The following PCDHA11 variants were observed in gnomAD, a reference collection of about 807,000 sequenced individuals.
The protein encoded by PCDHA11 is protocadherin alpha-11.
Under a neutral mutation model 70.3 loss-of-function variants are expected in PCDHA11, and 61 were observed. That is an observed-to-expected ratio of 0.87 (90% CI 0.71 to 1.07). The LOEUF is 1.07. PCDHA11 is among the 50% of genes least tolerant of loss of function. The pLI is 0.00. For missense variants in PCDHA11, 1,324 were observed against 1,237.5 expected, an observed-to-expected ratio of 1.07 and a Z score of -1.05; for synonymous variants, 633 against 555.1, an observed-to-expected ratio of 1.14 and a Z score of -1.97.
chr5:140,895,281 A>C (rs2064944456), intron 1 of PCDHA11, among the ~76,000 whole-genome samples: 1 of 152,118 alleles, frequency 6.6e-6, no homozygotes, highest in South Asian at 2.1e-4. Context: ...GGATAATTGA[A>C]TTAGGACCTT....
At chr5:140,873,755 T>C (rs1273886734) in intron 1 of PCDHA11, among the ~76,000 whole-genome samples, 1 of 152,098 alleles carries the variant, frequency 6.6e-6, no homozygotes, top group African/African-American at 2.4e-5. Flanking sequence ...CCACCTCCCA[T>C]GTTCAAGCAA....
At chr5:140,958,810 G>T (rs2095443726) in intron 1 of PCDHA11, among the ~76,000 whole-genome samples, 1 of 151,988 alleles carries the variant, frequency 6.6e-6, no homozygotes, top group Non-Finnish European at 1.5e-5. Context: ...ACACCATTCT[G>T]TTTTAATTTT....
chr5:140,913,572 T>C (rs1000646852), intron 1 of PCDHA11, among the ~76,000 whole-genome samples: 1 of 152,146 alleles, frequency 6.6e-6, no homozygotes, highest in Non-Finnish European at 1.5e-5. Context: ...TTTCATCATT[T>C]CAAATATATT....
At chr5:140,956,754 C>T (rs1470553559) in intron 1 of PCDHA11, among the ~76,000 whole-genome samples, 5 of 152,140 alleles carry the variant, frequency 3.3e-5, no homozygotes, top group African/African-American at 1.2e-4. Flanking sequence ...TGATAGAATT[C>T]AGCTGTAAAT....
At chr5:140,915,766 T>G (rs2077298451) in intron 1 of PCDHA11, among the ~76,000 whole-genome samples, 1 of 151,974 alleles carries the variant, frequency 6.6e-6, no homozygotes, top group African/African-American at 2.4e-5. Context: ...CTGGGTCTTG[T>G]CCAAGGCCTG....
intron 3 of PCDHA11, among the ~76,000 whole-genome samples, chr5:140,985,428 T>C (rs782337868): frequency 2.0e-5 from 3 of 152,192 alleles, no homozygotes; most frequent in Non-Finnish European, 4.4e-5. Context: ...GGAGGATTTA[T>C]TAGTTGCTGC....
intron 1 of PCDHA11, among the ~76,000 whole-genome samples, chr5:140,971,500 T>C (rs2096483313): frequency 1.3e-5 from 2 of 152,136 alleles, no homozygotes; most frequent in Admixed American, 1.3e-4. Context: ...TGTGGCAAGA[T>C]AGGAGCAAAA....
intron 3 of PCDHA11, among the ~76,000 whole-genome samples, chr5:140,994,044 G>C (rs782758789): frequency 9.9e-5 from 15 of 152,240 alleles, no homozygotes; most frequent in Middle Eastern, 3.4e-3. Flanking sequence ...ATATAACACA[G>C]TCCTGCCCTT....
intron 1 of PCDHA11, among the ~76,000 whole-genome samples, chr5:140,935,913 GACAGATTC>G (rs1178474379): frequency 8.0e-6 from 1 of 125,106 alleles, no homozygotes; most frequent in Admixed American, 8.3e-5. Context: ...TTTTTTTTGA[GACAGATTC>G]TCATTCTGTT....
chr5:140,883,520 G>A (rs1554178526), intron 1 of PCDHA11: 1 of 1,614,222 alleles, frequency 6.2e-7, no homozygotes, highest in Non-Finnish European at 8.5e-7. Context: ...CCGCGAGAGC[G>A]TATCAGCCTA....
intron 3 of PCDHA11, among the ~76,000 whole-genome samples, chr5:141,000,419 ATATTTTT>A (rs1397100244): frequency 3.9e-4 from 24 of 60,984 alleles, no homozygotes; most frequent in African/African-American, 1.8e-3. Flanking sequence ...ATATATATAT[ATATTTTT>A]TTTTTTTTTT....
At chr5:140,919,674 G>C (rs1554199207) in intron 1 of PCDHA11, among the ~76,000 whole-genome samples, 1 of 151,886 alleles carries the variant, frequency 6.6e-6, no homozygotes, top group Non-Finnish European at 1.5e-5. Context: ...TTAGCTTATT[G>C]GTATCTGCTT....
In PCDHA11 at chr5:141,010,806, C is replaced by T. The variant is rs1404036886; in HGVS notation, c.*869C>T. ...GCAAAAGCAAAAGAAAACCCCGACA[C>T]CTCACCTTTCGCTGTTTGTTGTTTC... On this transcript the variant is annotated 3_prime_UTR_variant, in exon 4 of 4. Transcript: ENST00000398640. 2 of 153,736 alleles carry T rather than the reference C, an allele frequency of 1.3e-5. No individual in the cohort carries two copies. Among genetic ancestry groups the T allele is most frequent in the Non-Finnish European group, 1.5e-5 (1 of 68,048 alleles). 9.5% of individuals were successfully genotyped at this position (153,736 alleles called of 1,614,324 possible).
In PCDHA11 at chr5:140,869,613, C is replaced by T. The variant is rs369176341; in HGVS notation, c.510C>T (p.Tyr170=). The change falls in exon 1 of 4, where the codon TAC becomes TAT. Residue 170 remains tyrosine, a synonymous_variant. Coordinates refer to ENST00000398640, the MANE Select transcript of PCDHA11 (RefSeq NM_018902.5). ...TTGAAGAGAATGCTCTATTGACCTA[C>T]AGGCTAAGTAAAAATGAGTATTTTT... The part of the protein sequence containing the change: ...ADIEENALLT[Y]RLSKNEYFSL... 402 of 1,613,826 alleles carry T rather than the reference C, an allele frequency of 2.5e-4. No individual in the cohort carries two copies. Among genetic ancestry groups the T allele is most frequent in the Non-Finnish European group, 3.3e-4 (395 of 1,179,934 alleles).
At chr5:140,876,140 C>G in intron 1 of PCDHA11, 1 of 1,613,944 alleles carries the variant, frequency 6.2e-7, no homozygotes, top group Non-Finnish European at 8.5e-7. Context: ...CCAGAACTAA[C>G]AGGGTCTGTC....
At chr5:140,914,445 T>C (rs782813943) in intron 1 of PCDHA11, among the ~76,000 whole-genome samples, 1 of 152,200 alleles carries the variant, frequency 6.6e-6, no homozygotes, top group South Asian at 2.1e-4. Flanking sequence ...CCCATGTCTT[T>C]ATTTTCCAGT....
intron 1 of PCDHA11, among the ~76,000 whole-genome samples, chr5:140,891,303 T>C (rs1007949282): frequency 6.6e-6 from 1 of 152,178 alleles, no homozygotes; most frequent in Non-Finnish European, 1.5e-5. Flanking sequence ...GGTATTTGAT[T>C]ACATGAGTAA....
intron 1 of PCDHA11, chr5:140,884,580 C>G: frequency 6.2e-7 from 1 of 1,614,150 alleles, no homozygotes; most frequent in Non-Finnish European, 8.5e-7. Context: ...GACCTCATGG[C>G]CTTCAGTCCC....
chr5:140,946,405 T>C (rs1554217546), intron 1 of PCDHA11, among the ~76,000 whole-genome samples: 1 of 151,592 alleles, frequency 6.6e-6, no homozygotes, highest in South Asian at 2.1e-4. Context: ...AGTACAATCA[T>C]AGAAAACAAT....
Sources: gnomAD v4.1 joint callset for allele counts (sites outside exome capture counted in the v4.1 genomes callset) on GRCh38, gnomAD v4.1.1 for gene constraint, MANE v1.5 for transcripts, NCBI Gene and HGNC (gene_info 2026-07-23, HGNC 2026-07-21) for gene names.